The following KATNBL1 variants were observed in gnomAD, a reference collection of about 807,000 sequenced individuals.
The protein encoded by KATNBL1 is KATNB1-like protein 1.
Under a neutral mutation model 44.7 loss-of-function variants are expected in KATNBL1, and 28 were observed. That is an observed-to-expected ratio of 0.63 (90% CI 0.46 to 0.86). The LOEUF is 0.86. Ranked by LOEUF, KATNBL1 falls within the 40% of genes least tolerant of loss-of-function variation. KATNBL1 has a pLI of 0.00. For missense variants in KATNBL1, 272 were observed against 350.7 expected (o/e 0.78, Z 1.79); for synonymous variants, 78 against 114.9 (o/e 0.68, Z 2.06).
chr15:34,174,996 C>T (rs1004258601), intron 1 of KATNBL1, among the ~76,000 whole-genome samples: 2 of 151,980 alleles, frequency 1.3e-5, no homozygotes, highest in Non-Finnish European at 1.5e-5. Flanking sequence ...CCTGTAATCC[C>T]AGCACTGTGG....
chr15:34,169,017 C>A (rs1366990635), intron 1 of KATNBL1, among the ~76,000 whole-genome samples: 8 of 151,958 alleles, frequency 5.3e-5, no homozygotes, highest in Admixed American at 4.6e-4. Flanking sequence ...GCTAAAATCA[C>A]AATCAAAAGA....
chr15:34,148,750 C>A lies in KATNBL1; in HGVS notation c.439G>T (p.Val147Phe), dbSNP rs1478698908. 1.3e-6 allele frequency: 2 copies of A among 1,534,444 alleles called. No homozygotes were observed. Among genetic ancestry groups the A allele is most frequent in the Admixed American group, 3.3e-5 (2 of 59,738 alleles). The part of the protein sequence containing the change: ...SSKYSGFFSE[V>F]SQDHETMAQV... Reference sequence around the variant, plus strand: ...GCCATTGTTTCATGGTCCTGAGAAACCTGAAAGGCAATAATCTGATTTGTT... The same window carrying A: ...GCCATTGTTTCATGGTCCTGAGAAAACTGAAAGGCAATAATCTGATTTGTT... Residue 147 changes from valine to phenylalanine, a missense_variant and splice_region_variant, in exon 5 of 10, where the codon GTT (valine) becomes TTT (phenylalanine). By Grantham distance (50) the Val-to-Phe change is conservative. Coordinates refer to ENST00000256544, the MANE Select transcript of KATNBL1 (RefSeq NM_024713.3).
Position 34,152,960 on chromosome 15 carries a change from G to A in KATNBL1, c.268C>T (p.Pro90Ser), listed in dbSNP as rs1399981405. The A allele has an allele frequency of 1.9e-6, 3 of 1,614,116 alleles. No individual in the cohort carries two copies. The highest frequency in any genetic ancestry group is 1.7e-6 in the Non-Finnish European group (2 of 1,180,006). Residue 90 changes from proline to serine, a missense_variant, in exon 4 of 10, where the codon CCT becomes TCT. By Grantham distance (74) the Pro-to-Ser change is moderately conservative. Transcript: ENST00000256544. ...GCCATGTCACAGCCCCCACTTCCAGGGGACTGTTTTTTTCTGTAACAAGGA... is the reference window on the plus strand; with the variant it reads ...GCCATGTCACAGCCCCCACTTCCAGAGGACTGTTTTTTTCTGTAACAAGGA... ...PNPCYRKKQSPGSGGCDMANK... is the reference protein window; with the variant it reads ...PNPCYRKKQSSGSGGCDMANK...
In KATNBL1 at chr15:34,152,981, A is replaced by G; in HGVS notation, c.247T>C (p.Cys83Arg). ...CCAGGGGACTGTTTTTTTCTGTAACAAGGATTTGGAAAGGGATGATGAACT... is the reference window on the plus strand; with the variant it reads ...CCAGGGGACTGTTTTTTTCTGTAACGAGGATTTGGAAAGGGATGATGAACT... ...KKVHHPFPNP[C>R]YRKKQSPGSG... Residue 83 changes from cysteine (C) to arginine (R), a missense_variant, in exon 4 of 10, where the codon TGT becomes CGT. Cys to Arg is a radical substitution (Grantham distance 180). Transcript: ENST00000256544. The G allele has an allele frequency of 6.2e-7, 1 of 1,614,060 alleles. No individual in the cohort carries two copies.
At chr15:34,167,939 C>G (rs1452097959) in intron 1 of KATNBL1, among the ~76,000 whole-genome samples, 2 of 152,160 alleles carry the variant, frequency 1.3e-5, no homozygotes, top group African/African-American at 2.4e-5. Flanking sequence ...CTGAAGGAAG[C>G]ACTAAACATG....
chr15:34,161,296 A>G (rs1888797344), intron 2 of KATNBL1, among the ~76,000 whole-genome samples: 1 of 152,092 alleles, frequency 6.6e-6, no homozygotes, highest in South Asian at 2.1e-4. Flanking sequence ...TGCGTTGCTG[A>G]GAGTCCGGGT....
chr15:34,177,890 T>C (rs924685050), intron 1 of KATNBL1: 4 of 152,206 alleles, frequency 2.6e-5, no homozygotes, highest in Non-Finnish European at 5.9e-5. Flanking sequence ...CATAGTTGTG[T>C]ACAAAGAAAC....
intron 2 of KATNBL1, among the ~76,000 whole-genome samples, chr15:34,163,021 T>C (rs1337121045): frequency 6.6e-6 from 1 of 151,136 alleles, no homozygotes; most frequent in Non-Finnish European, 1.5e-5. Flanking sequence ...TTATATCATA[T>C]TGAAACAGCA....
intron 1 of KATNBL1, among the ~76,000 whole-genome samples, chr15:34,205,141 G>A (rs189867537): frequency 6.6e-6 from 1 of 152,178 alleles, no homozygotes; most frequent in Non-Finnish European, 1.5e-5. Context: ...CTACAGGTGT[G>A]CACCACCACA....
chr15:34,205,041 C>T (rs1446828976), intron 1 of KATNBL1, among the ~76,000 whole-genome samples: 2 of 150,646 alleles, frequency 1.3e-5, no homozygotes, highest in Non-Finnish European at 3.0e-5. Context: ...GTTGCCAGGC[C>T]GGAGTGCAGT....
intron 1 of KATNBL1, 88 bp from the exon 2 acceptor site, chr15:34,163,778 A>C: frequency 1.5e-6 from 1 of 669,528 alleles, no homozygotes; most frequent in Non-Finnish European, 2.4e-6. Flanking sequence ...CAGTAGCACA[A>C]TGCTATATAA....
At chr15:34,200,952 G>A (rs1171716930) in intron 1 of KATNBL1, among the ~76,000 whole-genome samples, 2 of 152,152 alleles carry the variant, frequency 1.3e-5, no homozygotes, top group South Asian at 4.1e-4. Flanking sequence ...AAGTAGCTGG[G>A]ATTACAGGTG....
chr15:34,164,307 C>A (rs1282336545), intron 1 of KATNBL1, among the ~76,000 whole-genome samples: 1 of 152,146 alleles, frequency 6.6e-6, no homozygotes, highest in Non-Finnish European at 1.5e-5. Context: ...AATAAACACA[C>A]AGGTTATGAA....
chr15:34,198,652 A>G (rs1212115256), intron 1 of KATNBL1, among the ~76,000 whole-genome samples: 1 of 152,252 alleles, frequency 6.6e-6, no homozygotes, highest in Non-Finnish European at 1.5e-5. Context: ...TAGCAGGTGG[A>G]ACTTATCACA....
At chr15:34,190,618 A>C (rs1430994545) in intron 1 of KATNBL1, among the ~76,000 whole-genome samples, 1 of 152,218 alleles carries the variant, frequency 6.6e-6, no homozygotes, top group Non-Finnish European at 1.5e-5. Flanking sequence ...GAAAGCAAAA[A>C]CAGTTAAAGA....
rs1481350954 is a variant in KATNBL1, at chr15:34,142,240, C to T, written c.*99G>A. On this transcript the variant is annotated 3_prime_UTR_variant, in exon 10 of 10. Transcript: ENST00000256544. ...AAAGAAAAAATAGTTTTGATTTCTT[C>T]CACAGTTCACAGTTCTCAGACGAGA... 3.4e-6 allele frequency: 4 copies of T among 1,191,384 alleles called. No homozygotes were observed. Among genetic ancestry groups the T allele is most frequent in the East Asian group, 2.8e-5 (1 of 35,464 alleles). The allele number at this position is 1,191,384 out of a possible 1,614,324, so 73.8% of individuals were successfully genotyped here.
chr15:34,154,742 G>GA, intron 2 of KATNBL1, 58 bp from the exon 3 acceptor site: 2 of 1,141,906 alleles, frequency 1.8e-6, no homozygotes, highest in South Asian at 2.5e-5. Flanking sequence ...CCGCAAAGAA[G>GA]AATCAGCACT....
Position 34,168,630 on chromosome 15 carries a change from A to G in KATNBL1, c.-14-4940T>C, listed in dbSNP as rs139488250. ...GAACTCTTCACCCCAAATCAACAGA[A>G]TATACATTCTTCTCAGCACCACATC... On this transcript the variant is annotated intron_variant, in intron 1 of 9. Coordinates refer to ENST00000256544, the MANE Select transcript of KATNBL1 (RefSeq NM_024713.3). Among the ~76,000 whole-genome samples the G allele has an allele frequency of 5.3e-3, 800 of 152,340 alleles. 6 individuals are homozygous for G. The highest frequency in any genetic ancestry group is 9.1e-3 in the South Asian group (44 of 4,832).
chr15:34,178,566 G>A (rs756444993), intron 1 of KATNBL1, among the ~76,000 whole-genome samples: 1 of 151,972 alleles, frequency 6.6e-6, no homozygotes, highest in Admixed American at 6.6e-5. Context: ...GACCATCCTG[G>A]CTAACCCGGT....
Sources: gnomAD v4.1 joint callset for allele counts (sites outside exome capture counted in the v4.1 genomes callset) on GRCh38, gnomAD v4.1.1 for gene constraint, MANE v1.5 for transcripts, NCBI Gene and HGNC (gene_info 2026-07-23, HGNC 2026-07-21) for gene names.